The following CDH13 variants were observed in gnomAD, a reference collection of about 807,000 sequenced individuals.
CDH13 encodes cadherin 13.
In CDH13, 24 loss-of-function variants were observed where a neutral mutation model predicts 63.8. That is an observed-to-expected ratio of 0.38 (90% CI 0.27 to 0.53). The LOEUF is 0.53. Among genes scored for constraint, CDH13 ranks in the 20% least tolerant of loss-of-function variants. The probability of loss-of-function intolerance (pLI) is 0.85; values close to 1 mark genes in which losing one functional copy is unlikely to be tolerated. For missense variants in CDH13, 1,049 were observed against 903.1 expected, an observed-to-expected ratio of 1.16 and a Z score of -2.07; for synonymous variants, 503 against 355.3, an observed-to-expected ratio of 1.42 and a Z score of -4.67.
At chr16:83,239,873 G>C (rs1479691901) in intron 5 of CDH13, among the ~76,000 whole-genome samples, 2 of 152,188 alleles carry the variant, frequency 1.3e-5, no homozygotes, top group African/African-American at 4.8e-5. Flanking sequence ...GTGGGGGGCA[G>C]GGGAGCTGGA....
intron 1 of CDH13, among the ~76,000 whole-genome samples, chr16:82,648,983 A>C (rs1910422251): frequency 6.6e-6 from 1 of 152,166 alleles, no homozygotes; most frequent in Non-Finnish European, 1.5e-5. Context: ...GTTGATCATG[A>C]ATGAGATGAT....
At chr16:83,726,838 CAA>C (rs35810041) in intron 10 of CDH13, among the ~76,000 whole-genome samples, 140,068 of 145,826 alleles carry the variant, frequency 0.96, 67,361 homozygotes, top group South Asian at 0.99. Context: ...GACTCTGTCT[CAA>C]AAAAAAAAAA....
intron 3 of CDH13, among the ~76,000 whole-genome samples, chr16:83,065,729 C>CA (rs57813644): frequency 9.6e-4 from 139 of 144,944 alleles, no homozygotes; most frequent in South Asian, 7.9e-3. Context: ...AACAAAAAAA[C>CA]AAAAAAAAAA....
intron 10 of CDH13, among the ~76,000 whole-genome samples, chr16:83,706,824 C>G (rs552352397): frequency 2.6e-5 from 4 of 152,172 alleles, no homozygotes; most frequent in Admixed American, 6.5e-5. Context: ...TAGGCTCTCA[C>G]GATCAGGACA....
At chr16:83,301,031 T>TTTTTG (rs1555527307) in intron 5 of CDH13, among the ~76,000 whole-genome samples, 8 of 128,226 alleles carry the variant, frequency 6.2e-5, no homozygotes, top group Non-Finnish European at 9.9e-5. Flanking sequence ...TGGGGTTTTT[T>TTTTTG]TTTTTTTTTT....
chr16:83,435,760 G>A (rs937968568), intron 6 of CDH13, among the ~76,000 whole-genome samples: 2 of 152,092 alleles, frequency 1.3e-5, no homozygotes, highest in African/African-American at 4.8e-5. Flanking sequence ...AAGCCACTCT[G>A]TTACTCCCTC....
At chr16:83,550,268 C>T (rs11640466) in intron 7 of CDH13, among the ~76,000 whole-genome samples, 46,171 of 152,094 alleles carry the variant, frequency 0.3, 7,104 homozygotes, top group Middle Eastern at 0.36. Flanking sequence ...GAGTTTGAAG[C>T]CAGGGTGAAC....
chr16:82,846,184 A>C (rs555532450), intron 1 of CDH13, among the ~76,000 whole-genome samples: 3 of 152,150 alleles, frequency 2.0e-5, no homozygotes, highest in Non-Finnish European at 2.9e-5. Context: ...CTTTGTTCTT[A>C]GAGGTTGTCA....
intron 6 of CDH13, among the ~76,000 whole-genome samples, chr16:83,399,891 C>G (rs752676607): frequency 6.6e-5 from 10 of 152,290 alleles, no homozygotes; most frequent in Middle Eastern, 3.4e-3. Flanking sequence ...GTACCCAACT[C>G]ATTCTAATAT....
intron 2 of CDH13, among the ~76,000 whole-genome samples, chr16:83,001,128 A>G (rs1397478048): frequency 1.3e-5 from 2 of 152,214 alleles, no homozygotes; most frequent in Non-Finnish European, 1.5e-5. Context: ...CTTCTAGTAG[A>G]TCGTAAGTCC....
rs139997189 is a variant in CDH13, at chr16:83,540,145, A to G, written c.960+53490A>G. Among the ~76,000 whole-genome samples the G allele has an allele frequency of 6.3e-4, 95 of 150,844 alleles. 1 individual carries two copies. In the East Asian group the frequency reaches 0.017, roughly 27 times the overall value. On this transcript the variant is annotated intron_variant, in intron 7 of 13. Transcript: ENST00000567109. Reference sequence around the variant, plus strand: ...AGTGGATCCATCTAGGCTAACTTCAATCTCCGCCTCCCAGGTTGAAGCCAC... The same window carrying G: ...AGTGGATCCATCTAGGCTAACTTCAGTCTCCGCCTCCCAGGTTGAAGCCAC...
chr16:83,592,626 A>G (rs902763836), intron 7 of CDH13, among the ~76,000 whole-genome samples: 3 of 152,162 alleles, frequency 2.0e-5, no homozygotes, highest in Admixed American at 6.5e-5. Flanking sequence ...CAAATCTATC[A>G]TTTAGGCTAT....
intron 5 of CDH13, among the ~76,000 whole-genome samples, chr16:83,226,993 C>G (rs2039859171): frequency 6.6e-6 from 1 of 152,132 alleles, no homozygotes; most frequent in Non-Finnish European, 1.5e-5. Flanking sequence ...GACTGGAAGA[C>G]AGAGGAGCGA....
chr16:83,274,346 A>G (rs548989707), intron 5 of CDH13, among the ~76,000 whole-genome samples: 2 of 152,272 alleles, frequency 1.3e-5, no homozygotes, highest in Non-Finnish European at 2.9e-5. Context: ...GGCCCTTGGT[A>G]CATGCTCTTC....
At chr16:83,499,262 A>C (rs1372628739) in intron 7 of CDH13, among the ~76,000 whole-genome samples, 1 of 152,254 alleles carries the variant, frequency 6.6e-6, no homozygotes, top group East Asian at 1.9e-4. Context: ...TGGTTTGCAA[A>C]ATACTCCTTA....
At chr16:83,614,177 TC>T (rs1371503123) in intron 8 of CDH13, among the ~76,000 whole-genome samples, 2 of 152,210 alleles carry the variant, frequency 1.3e-5, no homozygotes, top group Non-Finnish European at 2.9e-5. Context: ...CAGAGAGGAT[TC>T]CCTTTTGCTT....
At position 83,217,331 on chromosome 16, in the gene CDH13, G is replaced by A. The variant is rs1269242183; in HGVS notation, c.484-14G>A. 4 of 1,613,624 alleles carry A rather than the reference G, an allele frequency of 2.5e-6. No homozygotes were observed. In the South Asian group the frequency reaches 4.4e-5, roughly 18 times the overall value. ...TCCAGGCAGTTTTAAATGTCTCTCTGTTTTTCTGACTAGGTAGTCGATAGT... is the reference window on the plus strand; with the variant it reads ...TCCAGGCAGTTTTAAATGTCTCTCTATTTTTCTGACTAGGTAGTCGATAGT... On this transcript the variant is annotated splice_polypyrimidine_tract_variant and intron_variant, in intron 4 of 13. Coordinates refer to ENST00000567109, the MANE Select transcript of CDH13 (RefSeq NM_001257.5).
chr16:82,885,426 A>T (rs1597900236), intron 2 of CDH13, among the ~76,000 whole-genome samples: 1 of 135,448 alleles, frequency 7.4e-6, no homozygotes, highest in Non-Finnish European at 1.6e-5. Context: ...ATCTATATAC[A>T]CCTCCCACCC....
intron 7 of CDH13, among the ~76,000 whole-genome samples, chr16:83,558,609 A>T (rs190981274): frequency 6.6e-6 from 1 of 152,202 alleles, no homozygotes; most frequent in Non-Finnish European, 1.5e-5. Flanking sequence ...TCTACATGTA[A>T]CATTTATGAA....
Sources: gnomAD v4.1 joint callset for allele counts (sites outside exome capture counted in the v4.1 genomes callset) on GRCh38, gnomAD v4.1.1 for gene constraint, MANE v1.5 for transcripts, NCBI Gene and HGNC (gene_info 2026-07-23, HGNC 2026-07-21) for gene names.